Variants in TAF3 observed in about 807,000 individuals in gnomAD.
TAF3 encodes transcription initiation factor TFIID subunit 3.
In TAF3, 7 loss-of-function variants were observed where a neutral mutation model predicts 80.6. The ratio of observed to expected loss-of-function variants is 0.09; its 90% CI spans 0.05 to 0.16. TAF3 has a LOEUF of 0.16. Among genes scored for constraint, TAF3 ranks in the 10% least tolerant of loss-of-function variants. The pLI, the probability that TAF3 is intolerant of heterozygous loss-of-function variation, is 1.00. For missense variants in TAF3, 921 were observed against 1,140.2 expected (o/e 0.81, Z 2.77); for synonymous variants, 444 against 446.1 (o/e 1.00, Z 0.06).
At position 7,823,262 on chromosome 10, in the gene TAF3, G is replaced by T. The variant is rs1038221082; in HGVS notation, c.167-1056G>T. ...AGCCACTGTTTAAGATTCTGCAGAT[G>T]CATCAGGGAACAACAGAGGAAATGT... On this transcript the variant is annotated intron_variant, in intron 1 of 6. Transcript: ENST00000344293. Among the ~76,000 whole-genome samples the T allele has an allele frequency of 3.3e-5, 5 of 151,938 alleles. No homozygotes were observed. The East Asian group carries it at 9.6e-4, about 29-fold the overall frequency.
intron 4 of TAF3, among the ~76,000 whole-genome samples, chr10:7,988,572 C>CAAAAAAAAAAAAAAAAAAAA (rs58825999): frequency 2.0e-5 from 1 of 49,270 alleles, no homozygotes; most frequent in Non-Finnish European, 3.9e-5. Context: ...GACCCTGTCT[C>CAAAAAAAAAAAAAAAAAAAA]AAAAAAAAAA....
At chr10:7,984,640 C>T (rs1406186387) in intron 4 of TAF3, among the ~76,000 whole-genome samples, 3 of 152,096 alleles carry the variant, frequency 2.0e-5, no homozygotes, top group Non-Finnish European at 2.9e-5. Flanking sequence ...ATATTTATGA[C>T]CACCTCTTTA....
chr10:7,994,789 C>T (rs58526566), intron 4 of TAF3, among the ~76,000 whole-genome samples: 1 of 146,240 alleles, frequency 6.8e-6, no homozygotes, highest in Non-Finnish European at 1.5e-5. Context: ...ATGGTGAAAC[C>T]CTGTCTCTAC....
intron 3 of TAF3, among the ~76,000 whole-genome samples, chr10:7,970,096 C>T (rs956211590): frequency 6.6e-6 from 1 of 152,224 alleles, no homozygotes; most frequent in Non-Finnish European, 1.5e-5. Context: ...AAGTAGAGGA[C>T]TACAACAGTT....
intron 2 of TAF3, among the ~76,000 whole-genome samples, chr10:7,957,828 G>C (rs967840439): frequency 1.9e-5 from 1 of 51,680 alleles, no homozygotes; most frequent in African/African-American, 6.0e-5. Context: ...TCTCTCTCTC[G>C]ATGTTGGAAC....
chr10:7,951,379 G>C (rs1050155244), intron 2 of TAF3, among the ~76,000 whole-genome samples: 1 of 152,216 alleles, frequency 6.6e-6, no homozygotes, highest in African/African-American at 2.4e-5. Flanking sequence ...ACTGTTGGCT[G>C]GTGGTCAGTG....
intron 2 of TAF3, among the ~76,000 whole-genome samples, chr10:7,957,790 G>GCACT (rs1491127988): frequency 9.0e-6 from 1 of 111,324 alleles, no homozygotes; most frequent in East Asian, 3.4e-4. Flanking sequence ...GCTCTCTCTA[G>GCACT]CGCGCTCTCT....
At chr10:7,934,436 GTTAT>G (rs989147083) in intron 2 of TAF3, among the ~76,000 whole-genome samples, 7 of 151,834 alleles carry the variant, frequency 4.6e-5, no homozygotes, top group African/African-American at 1.5e-4. Flanking sequence ...TTATCTTACT[GTTAT>G]TTATTTATTT....
At position 7,824,329 on chromosome 10, in the gene TAF3, G is replaced by A; in HGVS notation, c.178G>A (p.Asp60Asn). ...HRYSELYGRTDPILDDVGEAF... is the reference protein window; with the variant it reads ...HRYSELYGRTNPILDDVGEAF... ...TCACTTTGTTTCAGATGGCCGAACA[G>A]ACCCAATTTTGGATGATGTTGGTGA... The change falls in exon 2 of 7, where the codon GAC becomes AAC. Residue 60 changes from aspartate to asparagine, a missense_variant. Transcript: ENST00000344293. The A allele has an allele frequency of 6.2e-7, 1 of 1,613,458 alleles. No individual in the cohort carries two copies. Among genetic ancestry groups the A allele is most frequent in the East Asian group, 2.2e-5 (1 of 44,852 alleles).
chr10:7,857,632 T>C (rs569037422), intron 2 of TAF3, among the ~76,000 whole-genome samples: 1 of 152,330 alleles, frequency 6.6e-6, no homozygotes, highest in Admixed American at 6.5e-5. Flanking sequence ...TGTTTGTGAG[T>C]TATTTCATGA....
At chr10:7,845,367 T>C (rs1031937019) in intron 2 of TAF3, among the ~76,000 whole-genome samples, 2 of 152,202 alleles carry the variant, frequency 1.3e-5, no homozygotes. Context: ...AGTGTAGTGT[T>C]GAATTTTATG....
At chr10:7,971,457 T>G (rs546713535) in intron 3 of TAF3, among the ~76,000 whole-genome samples, 8 of 152,044 alleles carry the variant, frequency 5.3e-5, no homozygotes, top group Admixed American at 2.0e-4. Context: ...ATGGTGTTTT[T>G]TTTTTTTTTT....
intron 2 of TAF3, among the ~76,000 whole-genome samples, chr10:7,840,444 G>A (rs1213355461): frequency 4.0e-5 from 6 of 150,826 alleles, no homozygotes; most frequent in East Asian, 3.9e-4. Context: ...GAGCCACCGC[G>A]CCCGGCCTGG....
intron 2 of TAF3, among the ~76,000 whole-genome samples, chr10:7,843,688 G>T (rs1405907661): frequency 7.1e-6 from 1 of 140,394 alleles, no homozygotes; most frequent in African/African-American, 2.6e-5. Flanking sequence ...TTGGATAATT[G>T]TGTTGCTTAA....
chr10:7,907,401 A>AT (rs149002253), intron 2 of TAF3, among the ~76,000 whole-genome samples: 1 of 152,092 alleles, frequency 6.6e-6, no homozygotes, highest in South Asian at 2.1e-4. Context: ...ATTTAGATTT[A>AT]TTTTTTTGTA....
At chr10:7,884,190 A>G (rs72782739) in intron 2 of TAF3, among the ~76,000 whole-genome samples, 29,899 of 151,798 alleles carry the variant, frequency 0.2, 3,051 homozygotes, top group East Asian at 0.3. Flanking sequence ...ATACTCCTTT[A>G]CTGTTATTAT....
In TAF3 at chr10:7,941,760, A is replaced by G. The variant is rs182082285; in HGVS notation, c.410-22160A>G. 9.9e-5 allele frequency among the ~76,000 whole-genome samples: 15 copies of G among 152,258 alleles called. No individual in the cohort carries two copies. In the Middle Eastern group the frequency reaches 0.014, roughly 138 times the overall value. ...GAACTGGGTGGCAGTGTTGAGGAAAAGGGCAGGGTTGTGGTAGCTGGGTTT... is the reference window on the plus strand; with the variant it reads ...GAACTGGGTGGCAGTGTTGAGGAAAGGGGCAGGGTTGTGGTAGCTGGGTTT... On this transcript the variant is annotated intron_variant, in intron 2 of 6. Transcript: ENST00000344293.
chr10:8,004,611 T>C (rs187724863), intron 4 of TAF3, among the ~76,000 whole-genome samples: 6 of 152,356 alleles, frequency 3.9e-5, no homozygotes, highest in Admixed American at 3.9e-4. Flanking sequence ...TTCCACTATC[T>C]TCTAGATTTC....
At chr10:8,012,198 A>T (rs1214308274) in intron 5 of TAF3, among the ~76,000 whole-genome samples, 1 of 152,160 alleles carries the variant, frequency 6.6e-6, no homozygotes, top group Non-Finnish European at 1.5e-5. Flanking sequence ...ATGAAAATTT[A>T]AAAAAAGCTT....
Sources: gnomAD v4.1 joint callset for allele counts (sites outside exome capture counted in the v4.1 genomes callset) on GRCh38, gnomAD v4.1.1 for gene constraint, MANE v1.5 for transcripts, NCBI Gene and HGNC (gene_info 2026-07-23, HGNC 2026-07-21) for gene names.